Variants in ANO2 observed in about 807,000 individuals in gnomAD.
ANO2 encodes anoctamin-2.
Under a neutral mutation model 124.2 loss-of-function variants are expected in ANO2, and 101 were observed. That is an observed-to-expected ratio of 0.81 (90% CI 0.69 to 0.96). The LOEUF is 0.96. Among genes scored for constraint, ANO2 ranks in the 40% least tolerant of loss-of-function variants. The pLI is 0.00. For missense variants in ANO2, 1,293 were observed against 1,274.5 expected (o/e 1.01, Z -0.22); for synonymous variants, 486 against 482.5 (o/e 1.01, Z -0.09).
At chr12:5,700,263 A>G (rs1313019835) in intron 14 of ANO2, among the ~76,000 whole-genome samples, 1 of 152,234 alleles carries the variant, frequency 6.6e-6, no homozygotes, top group Non-Finnish European at 1.5e-5. Flanking sequence ...GTGCAATCAA[A>G]CTAGAACTCA....
At chr12:5,819,260 T>A (rs1282455900) in intron 7 of ANO2, among the ~76,000 whole-genome samples, 1 of 152,148 alleles carries the variant, frequency 6.6e-6, no homozygotes, top group Admixed American at 6.5e-5. Context: ...CCCTTAGATG[T>A]GAGGTTGACA....
At chr12:5,833,454 C>G (rs1954219450) in intron 4 of ANO2, among the ~76,000 whole-genome samples, 2 of 152,174 alleles carry the variant, frequency 1.3e-5, no homozygotes, top group South Asian at 4.1e-4. Context: ...TGTTCCCACC[C>G]CCCTTGAATC....
At chr12:5,582,341 C>G (rs1942799380) in intron 20 of ANO2, among the ~76,000 whole-genome samples, 1 of 152,222 alleles carries the variant, frequency 6.6e-6, no homozygotes, top group African/African-American at 2.4e-5. Context: ...GTTTTCTCTT[C>G]TCACCCTTCA....
Position 5,830,069 on chromosome 12 carries a change from G to A in ANO2, c.840+366C>T, listed in dbSNP as rs71579281. On this transcript the variant is annotated intron_variant, in intron 6 of 24. Transcript: ENST00000682330. ...TAACGATCCTTGTTCTGACGCTAAC[G>A]ATCTATATAATTTTTTTTCAATGCA... Among the ~76,000 whole-genome samples the A allele has an allele frequency of 8.4e-4, 128 of 152,248 alleles. 1 individual carries two copies. In the South Asian group the frequency reaches 9.5e-3, roughly 11 times the overall value.
chr12:5,797,643 A>G (rs188656652), intron 10 of ANO2, among the ~76,000 whole-genome samples: 35 of 152,022 alleles, frequency 2.3e-4, no homozygotes, highest in African/African-American at 7.5e-4. Flanking sequence ...TCCTTATGCC[A>G]CTGGGATGAC....
intron 11 of ANO2, among the ~76,000 whole-genome samples, chr12:5,746,756 G>A (rs11063844): frequency 0.11 from 17,231 of 152,176 alleles, 1,054 homozygotes; most frequent in Admixed American, 0.17. Flanking sequence ...ACGGGAGAAG[G>A]TACAAAGAGG....
intron 3 of ANO2, among the ~76,000 whole-genome samples, chr12:5,896,543 G>C (rs1228156565): frequency 6.6e-6 from 1 of 152,132 alleles, no homozygotes; most frequent in Non-Finnish European, 1.5e-5. Context: ...TAGATGGTCA[G>C]AATGAAGATG....
chr12:5,758,835 CAAATA>C (rs995702762), intron 10 of ANO2, among the ~76,000 whole-genome samples: 3 of 152,024 alleles, frequency 2.0e-5, no homozygotes, highest in Non-Finnish European at 4.4e-5. Context: ...ATTCAATAAA[CAAATA>C]AAATAAAATA....
intron 14 of ANO2, among the ~76,000 whole-genome samples, chr12:5,678,099 C>T (rs1032511625): frequency 4.6e-5 from 7 of 152,250 alleles, no homozygotes; most frequent in South Asian, 2.1e-4. Context: ...GGACCAAGCT[C>T]GCTTCTTTGT....
intron 7 of ANO2, among the ~76,000 whole-genome samples, chr12:5,808,803 C>T (rs1409152194): frequency 1.3e-5 from 2 of 152,216 alleles, no homozygotes; most frequent in Non-Finnish European, 2.9e-5. Flanking sequence ...CACCCACATG[C>T]TCAGAGACCC....
chr12:5,860,973 C>A (rs1955250167), intron 3 of ANO2, among the ~76,000 whole-genome samples: 1 of 152,194 alleles, frequency 6.6e-6, no homozygotes, highest in South Asian at 2.1e-4. Flanking sequence ...CTTCACTCAG[C>A]AAGCATTAGA....
intron 5 of ANO2, among the ~76,000 whole-genome samples, chr12:5,831,250 T>C (rs1954143760): frequency 6.6e-6 from 1 of 152,196 alleles, no homozygotes; most frequent in African/African-American, 2.4e-5. Context: ...CATAGTAACA[T>C]GCAGACCATT....
rs1486406208 is a variant in ANO2 at position 5,696,900 on chromosome 12, ATAGTT to A, written c.1545+35615_1545+35619del. 6.6e-5 allele frequency among the ~76,000 whole-genome samples: 10 copies of A among 152,368 alleles called. No homozygotes were observed. In the East Asian group the frequency reaches 1.7e-3, roughly 26 times the overall value. ...TAAATTGATGCAGAAAAAGCATTTC[ATAGTT>A]TAGTTTAATTTAAATTATGCTAGCA... On this transcript the variant is annotated intron_variant, in intron 14 of 24. Transcript: ENST00000682330.
At position 5,791,988 on chromosome 12, in the gene ANO2, T is replaced by C. The variant is rs547139727; in HGVS notation, c.1055+7519A>G. 5.9e-5 allele frequency among the ~76,000 whole-genome samples: 9 copies of C among 152,272 alleles called. No individual in the cohort carries two copies. The East Asian group carries it at 1.7e-3, about 29-fold the overall frequency. On this transcript the variant is annotated intron_variant, in intron 10 of 24. Coordinates refer to ENST00000682330, the MANE Select transcript of ANO2 (RefSeq NM_001364791.2). ...AAATAATTATTGTAATATAAATAAA[T>C]GTATAAATACATTTATTTGTATTTA...
chr12:5,818,007 G>T (rs1273075010), intron 7 of ANO2, among the ~76,000 whole-genome samples: 1 of 152,188 alleles, frequency 6.6e-6, no homozygotes, highest in Admixed American at 6.5e-5. Context: ...GAAGATGGAG[G>T]TGCAGTAAAG....
intron 3 of ANO2, among the ~76,000 whole-genome samples, chr12:5,917,481 G>C (rs1941446910): frequency 6.6e-6 from 1 of 151,200 alleles, no homozygotes; most frequent in Admixed American, 6.6e-5. Flanking sequence ...CTTTGTTAGT[G>C]TTCTAGGTAC....
chr12:5,573,690 T>C (rs530618636), intron 23 of ANO2, among the ~76,000 whole-genome samples: 18 of 152,368 alleles, frequency 1.2e-4, no homozygotes, highest in African/African-American at 4.1e-4. Context: ...AGTCAGACTC[T>C]TTATAGGCCC....
In ANO2 at chr12:5,732,636, C is replaced by T; in HGVS notation, c.1435-6G>A. 4 of 1,611,692 alleles carry T rather than the reference C, an allele frequency of 2.5e-6. No homozygotes were observed. The highest frequency in any genetic ancestry group is 2.5e-6 in the Non-Finnish European group (3 of 1,178,384). On this transcript the variant is annotated splice_polypyrimidine_tract_variant and splice_region_variant and intron_variant, in intron 13 of 24. Transcript: ENST00000682330. ...TACTCAGGCCTGGAATGTTCCTAAA[C>T]CAAAGAGCAGTGAGTGGTTAGTAAA... is the stretch of plus-strand genomic sequence containing the variant.
At chr12:5,763,992 T>C (rs2137111048) in intron 10 of ANO2, among the ~76,000 whole-genome samples, 1 of 152,362 alleles carries the variant, frequency 6.6e-6, no homozygotes, top group African/African-American at 2.4e-5. Flanking sequence ...TTATTCATTA[T>C]GATGTGCTAA....
Sources: allele counts gnomAD v4.1 joint callset (sites outside exome capture counted in the v4.1 genomes callset), GRCh38; gene constraint gnomAD v4.1.1; transcripts MANE v1.5; gene names NCBI Gene and HGNC (gene_info 2026-07-23, HGNC 2026-07-21).